Variants in LSAMP observed in about 807,000 individuals in gnomAD.
The protein encoded by LSAMP is limbic system-associated membrane protein.
In LSAMP, 7 loss-of-function variants were observed where a neutral mutation model predicts 38.6. That is an observed-to-expected ratio of 0.18 (90% CI 0.10 to 0.34). The LOEUF is 0.34. Among genes scored for constraint, LSAMP ranks in the 10% least tolerant of loss-of-function variants. LSAMP has a pLI of 1.00. For synonymous variants in LSAMP, 154 were observed against 166.8 expected, an observed-to-expected ratio of 0.92 and a Z score of 0.59; for missense variants, 313 against 420.0, an observed-to-expected ratio of 0.75 and a Z score of 2.23.
chr3:116,367,926 CA>C (rs1429039514), intron 1 of LSAMP: 1 of 152,116 alleles, frequency 6.6e-6, no homozygotes, highest in African/African-American at 2.4e-5. Context: ...TTTGCTTCTG[CA>C]CACATTCCTT....
chr3:116,248,486 T>TGA (rs1382990230), intron 1 of LSAMP, among the ~76,000 whole-genome samples: 17 of 16,364 alleles, frequency 1.0e-3, no homozygotes, highest in East Asian at 7.5e-3. Flanking sequence ...AATGTGTGTG[T>TGA]GTGTGTGTGT....
At chr3:116,003,618 A>G (rs1940064912) in intron 3 of LSAMP, among the ~76,000 whole-genome samples, 1 of 152,202 alleles carries the variant, frequency 6.6e-6, no homozygotes, top group African/African-American at 2.4e-5. Flanking sequence ...AATTAATTTA[A>G]GGATCTTAAG....
intron 1 of LSAMP, among the ~76,000 whole-genome samples, chr3:116,299,603 C>T (rs76578754): frequency 0.083 from 12,671 of 152,126 alleles, 795 homozygotes; most frequent in African/African-American, 0.17. Flanking sequence ...TAGATGGTTT[C>T]GAGACTCTGA....
At chr3:116,073,418 T>C (rs1003263752) in intron 2 of LSAMP, among the ~76,000 whole-genome samples, 2 of 152,222 alleles carry the variant, frequency 1.3e-5, no homozygotes, top group Non-Finnish European at 1.5e-5. Context: ...TGGTTCCATA[T>C]GAATTTTAAA....
At chr3:115,853,584 A>C (rs1935401767) in intron 3 of LSAMP, among the ~76,000 whole-genome samples, 1 of 152,198 alleles carries the variant, frequency 6.6e-6, no homozygotes, top group Non-Finnish European at 1.5e-5. Flanking sequence ...GAGAGAAATA[A>C]GGAAGAAGTA....
intron 3 of LSAMP, among the ~76,000 whole-genome samples, chr3:116,013,891 T>C (rs1940401530): frequency 6.6e-6 from 1 of 152,208 alleles, no homozygotes; most frequent in African/African-American, 2.4e-5. Flanking sequence ...ATACCTGGGA[T>C]ACTCTTTCTT....
intron 1 of LSAMP, among the ~76,000 whole-genome samples, chr3:116,151,726 C>T (rs1469144993): frequency 1.3e-5 from 2 of 152,002 alleles, no homozygotes; most frequent in African/African-American, 4.8e-5. Flanking sequence ...AGGAACTTGA[C>T]CAACTTTCCT....
At chr3:116,020,075 A>G (rs2107688203) in intron 2 of LSAMP, among the ~76,000 whole-genome samples, 1 of 152,336 alleles carries the variant, frequency 6.6e-6, no homozygotes, top group South Asian at 2.1e-4. Context: ...GCTATTTAGC[A>G]TAAGATTACA....
At chr3:116,281,173 AAGG>A (rs2047121800) in intron 1 of LSAMP, among the ~76,000 whole-genome samples, 1 of 152,192 alleles carries the variant, frequency 6.6e-6, no homozygotes, top group South Asian at 2.1e-4. Context: ...GATATTTGTG[AAGG>A]AGAATTTTGA....
At chr3:116,286,890 T>TCAA (rs547415596) in intron 1 of LSAMP, among the ~76,000 whole-genome samples, 9,911 of 145,762 alleles carry the variant, frequency 0.068, 484 homozygotes, top group African/African-American at 0.13. Flanking sequence ...ATCTCTCAAG[T>TCAA]TAAAAAAAAA....
intron 1 of LSAMP, among the ~76,000 whole-genome samples, chr3:116,269,257 T>TG (rs2046938022): frequency 6.6e-6 from 1 of 152,144 alleles, no homozygotes; most frequent in Non-Finnish European, 1.5e-5. Flanking sequence ...AAGCAAGATT[T>TG]GAAATGTCTG....
chr3:116,356,846 T>C (rs954806234), intron 1 of LSAMP, among the ~76,000 whole-genome samples: 3 of 152,156 alleles, frequency 2.0e-5, no homozygotes, highest in African/African-American at 7.2e-5. Flanking sequence ...CAGGCTGGAG[T>C]GCAGTGGCGC....
chr3:116,078,577 C>T (rs925251489), intron 2 of LSAMP, among the ~76,000 whole-genome samples: 4 of 152,176 alleles, frequency 2.6e-5, no homozygotes, highest in Admixed American at 6.5e-5. Flanking sequence ...CCACCCGCCT[C>T]GGCCTCCCAG....
chr3:116,291,687 T>C (rs535424555), intron 1 of LSAMP, among the ~76,000 whole-genome samples: 2 of 152,308 alleles, frequency 1.3e-5, no homozygotes, highest in African/African-American at 2.4e-5. Context: ...TCCTCCCATA[T>C]GGCCCAGGTG....
At chr3:116,323,813 G>C (rs2047737485) in intron 1 of LSAMP, among the ~76,000 whole-genome samples, 1 of 152,050 alleles carries the variant, frequency 6.6e-6, no homozygotes, top group Admixed American at 6.6e-5. Context: ...CCACTAAAAT[G>C]CCTTGTTTAT....
At chr3:115,854,322 G>T (rs1935438140) in intron 3 of LSAMP, among the ~76,000 whole-genome samples, 1 of 125,202 alleles carries the variant, frequency 8.0e-6, no homozygotes, top group Non-Finnish European at 1.6e-5. Context: ...CCGCTCTTTA[G>T]CCTAGGCCGG....
At chr3:115,818,907 C>T (rs1465822718) in intron 6 of LSAMP, among the ~76,000 whole-genome samples, 1 of 147,950 alleles carries the variant, frequency 6.8e-6, no homozygotes, top group Non-Finnish European at 1.5e-5. Flanking sequence ...CACCTGTAAT[C>T]CCAGCACTTT....
intron 4 of LSAMP, among the ~76,000 whole-genome samples, chr3:115,851,193 C>T (rs913452847): frequency 1.3e-4 from 20 of 152,226 alleles, no homozygotes; most frequent in East Asian, 1.2e-3. Flanking sequence ...AGGCTTGTCT[C>T]GAACTCCTGA....
At chr3:116,081,755 A>G (rs1325014453) in intron 2 of LSAMP, among the ~76,000 whole-genome samples, 3 of 152,206 alleles carry the variant, frequency 2.0e-5, no homozygotes, top group Non-Finnish European at 4.4e-5. Context: ...TTTGAATCAC[A>G]GTGCTGAGAA....
Sources: allele counts gnomAD v4.1 joint callset (sites outside exome capture counted in the v4.1 genomes callset), GRCh38; gene constraint gnomAD v4.1.1; transcripts MANE v1.5; gene names NCBI Gene and HGNC (gene_info 2026-07-23, HGNC 2026-07-21).